The following ARSG variants were observed in gnomAD, a reference collection of about 807,000 sequenced individuals.
The protein encoded by ARSG is arylsulfatase G, also known as ASG.
Under a neutral mutation model 50.5 loss-of-function variants are expected in ARSG, and 37 were observed. The observed-to-expected ratio is 0.73, with a 90% CI of 0.56 to 0.96. The LOEUF (loss-of-function observed/expected upper bound fraction) is 0.96, where lower values mean the gene tolerates loss of function less well. Ranked by LOEUF, ARSG falls within the 50% of genes least tolerant of loss-of-function variation. The pLI is 0.00. For synonymous variants in ARSG, 225 were observed against 254.6 expected (o/e 0.88, Z 1.11); for missense variants, 629 against 675.3 (o/e 0.93, Z 0.76).
chr17:68,309,030 G>C (rs2076730692), intron 2 of ARSG, among the ~76,000 whole-genome samples: 1 of 152,258 alleles, frequency 6.6e-6, no homozygotes, highest in African/African-American at 2.4e-5. Flanking sequence ...AGGCATGGCG[G>C]GCTGCAGGTC....
upstream of ARSG, among the ~76,000 whole-genome samples, chr17:68,287,456 A>G (rs552043887): frequency 9.5e-4 from 145 of 152,078 alleles, 1 homozygote; most frequent in African/African-American, 3.2e-3. Flanking sequence ...CACCTCACCT[A>G]GCCAGATGGT....
At chr17:68,425,576 G>C (rs2083116214), downstream of ARSG, among the ~76,000 whole-genome samples, 1 of 152,046 alleles carries the variant, frequency 6.6e-6, no homozygotes, top group African/African-American at 2.4e-5. Context: ...CTGCCGGCCA[G>C]AGCTGCAGGT....
At chr17:68,419,402 G>A (rs945518126) in intron 11 of ARSG, among the ~76,000 whole-genome samples, 1 of 151,840 alleles carries the variant, frequency 6.6e-6, no homozygotes, top group Non-Finnish European at 1.5e-5. Flanking sequence ...ATGGTGAAAC[G>A]CCATCTCTAC....
intron 1 of ARSG, among the ~76,000 whole-genome samples, chr17:68,263,208 A>G (rs1476153772): frequency 6.1e-5 from 9 of 148,602 alleles, no homozygotes; most frequent in African/African-American, 2.3e-4. Flanking sequence ...TTCTCTTGCC[A>G]CTTTTCTTGT....
chr17:68,392,997 C>T (rs917778967), intron 9 of ARSG, among the ~76,000 whole-genome samples: 1 of 152,204 alleles, frequency 6.6e-6, no homozygotes, highest in Non-Finnish European at 1.5e-5. Context: ...AAGCTGGTGA[C>T]AGGTAGAACG....
the ARSG span, among the ~76,000 whole-genome samples, chr17:68,433,168 G>A: frequency 3.3e-5 from 5 of 152,228 alleles, no homozygotes; most frequent in Non-Finnish European, 7.3e-5. Flanking sequence ...TAATACTACT[G>A]TTATGTTCAT....
At chr17:68,297,806 A>C (rs1555758912) in intron 1 of ARSG, among the ~76,000 whole-genome samples, 1 of 152,094 alleles carries the variant, frequency 6.6e-6, no homozygotes, top group African/African-American at 2.4e-5. Context: ...TTTGGCTTGC[A>C]TAGCACATTT....
intron 1 of ARSG, chr17:68,278,375 T>C: frequency 8.2e-7 from 1 of 1,218,602 alleles, no homozygotes; most frequent in Non-Finnish European, 1.2e-6. Flanking sequence ...AGCATGAGGA[T>C]CGATGATTCT....
At chr17:68,265,412 T>C (rs1299144392) in intron 1 of ARSG, among the ~76,000 whole-genome samples, 10 of 152,132 alleles carry the variant, frequency 6.6e-5, no homozygotes, top group Non-Finnish European at 1.0e-4. Context: ...GAGAATTGCT[T>C]GAACTCTGGA....
At chr17:68,444,676 C>A in the ARSG span, 168 of 1,115,028 alleles carry the variant, frequency 1.5e-4, no homozygotes, top group Admixed American at 2.7e-3. Flanking sequence ...TCATATGAGT[C>A]CTAACTTGAT....
chr17:68,277,688 T>C (rs2075568653), intron 1 of ARSG, among the ~76,000 whole-genome samples: 1 of 152,062 alleles, frequency 6.6e-6, no homozygotes, highest in South Asian at 2.1e-4. Flanking sequence ...CCTTGACCTC[T>C]CAAAGTGCTT....
chr17:68,433,464 T>C, the ARSG span: 139 of 1,613,750 alleles, frequency 8.6e-5, no homozygotes, highest in Non-Finnish European at 1.2e-4. Flanking sequence ...CGCGGAGTAC[T>C]TGCCTGTTGG....
chr17:68,386,108 C>CA (rs1233798405), intron 9 of ARSG, among the ~76,000 whole-genome samples: 8 of 152,182 alleles, frequency 5.3e-5, no homozygotes, highest in Non-Finnish European at 7.3e-5. Context: ...AGGCCATCTC[C>CA]ATGGCAAAGA....
chr17:68,388,742 T>C (rs1446112305), intron 9 of ARSG, among the ~76,000 whole-genome samples: 2 of 151,842 alleles, frequency 1.3e-5, no homozygotes, highest in Non-Finnish European at 2.9e-5. Flanking sequence ...CTGACCAACA[T>C]GGTGAAACCC....
At position 68,271,779 on chromosome 17, in the gene ARSG, C is replaced by T. The variant is rs1239367042; in HGVS notation, c.-552+12353C>T. 2.8e-6 allele frequency: 2 copies of T among 706,358 alleles called. No individual in the cohort carries two copies. The highest frequency in any genetic ancestry group is 5.8e-5 in the Admixed American group (2 of 34,436). The allele number at this position is 706,358 out of a possible 1,614,324, so 43.8% of individuals were successfully genotyped here. ...ATAAGTTCTGTGGAAATTTATTATA[C>T]TCAGCAGTATGAATGTACTCAATCT... On this transcript the variant is annotated intron_variant, in intron 1 of 11. Coordinates refer to the ARSG transcript ENST00000448504. The surrounding 1 kb of genome is among the most constrained non-coding windows in gnomAD (Gnocchi z 5.3).
At chr17:68,360,657 A>T (rs2079239275) in intron 6 of ARSG, among the ~76,000 whole-genome samples, 1 of 152,142 alleles carries the variant, frequency 6.6e-6, no homozygotes, top group South Asian at 2.1e-4. Flanking sequence ...TGGGAAAAGG[A>T]GCCGGTAGAA....
rs894501925 is a variant in ARSG at position 68,366,809 on chromosome 17, G to A, written c.705-1739G>A. 4.0e-5 allele frequency among the ~76,000 whole-genome samples: 6 copies of A among 151,858 alleles called. No individual in the cohort carries two copies. The South Asian group carries it at 8.3e-4, about 21-fold the overall frequency. ...TTCTGTCGCATTAAACATTCACTTT[G>A]TTTTGCAACAATTACCACTATCCAT... is the stretch of plus-strand genomic sequence containing the variant. On this transcript the variant is annotated intron_variant, in intron 6 of 11. Transcript: ENST00000621439.
At chr17:68,438,082 G>A in the ARSG span, among the ~76,000 whole-genome samples, 2 of 152,068 alleles carry the variant, frequency 1.3e-5, no homozygotes, top group Admixed American at 6.5e-5. Context: ...GCTGAGGAAG[G>A]AGAGCAAAGG....
At chr17:68,394,751 A>G (rs1373624732) in intron 9 of ARSG, among the ~76,000 whole-genome samples, 3 of 152,200 alleles carry the variant, frequency 2.0e-5, no homozygotes, top group South Asian at 2.1e-4. Context: ...GGGGACTACT[A>G]TATTATTAAA....
Sources: allele counts gnomAD v4.1 joint callset (sites outside exome capture counted in the v4.1 genomes callset), GRCh38; gene constraint gnomAD v4.1.1; non-coding constraint Gnocchi (gnomAD v3.1); transcripts MANE v1.5; gene names NCBI Gene and HGNC (gene_info 2026-07-23, HGNC 2026-07-21).